STXBP5L: variants seen among roughly 807,000 people sequenced by gnomAD.
STXBP5L encodes syntaxin binding protein 5L.
A neutral mutation model predicts 144.5 loss-of-function variants in STXBP5L; 65 were observed. That is an observed-to-expected ratio of 0.45 (90% CI 0.37 to 0.55). The LOEUF is 0.55. Ranked by LOEUF, STXBP5L falls within the 20% of genes least tolerant of loss-of-function variation. The pLI, the probability that STXBP5L is intolerant of heterozygous loss-of-function variation, is 0.00. For synonymous variants in STXBP5L, 505 were observed against 469.6 expected, an observed-to-expected ratio of 1.08 and a Z score of -0.97; for missense variants, 1,298 against 1,405.5, an observed-to-expected ratio of 0.92 and a Z score of 1.22.
chr3:121,185,404 T>A (rs979632606), intron 9 of STXBP5L, among the ~76,000 whole-genome samples: 2 of 152,190 alleles, frequency 1.3e-5, no homozygotes, highest in Admixed American at 1.3e-4. Context: ...TTGCCTAGGT[T>A]TTCTTCTAGG....
intron 5 of STXBP5L, among the ~76,000 whole-genome samples, chr3:121,110,144 G>A (rs1383033733): frequency 6.6e-6 from 1 of 152,106 alleles, no homozygotes; most frequent in Non-Finnish European, 1.5e-5. Context: ...ACACCAATGG[G>A]TCTTGACTCT....
intron 7 of STXBP5L, among the ~76,000 whole-genome samples, chr3:121,151,692 A>T (rs376030872): frequency 3.2e-4 from 48 of 152,240 alleles, no homozygotes; most frequent in African/African-American, 1.1e-3. Context: ...CATTATTTTA[A>T]CATTGGCTAT....
chr3:121,095,950 A>G (rs1260394609), intron 5 of STXBP5L, among the ~76,000 whole-genome samples: 1 of 152,070 alleles, frequency 6.6e-6, no homozygotes, highest in Admixed American at 6.5e-5. Flanking sequence ...ATGGTGACGT[A>G]CAGATGGGGT....
At chr3:121,092,904 G>C (rs2042892327) in intron 5 of STXBP5L, among the ~76,000 whole-genome samples, 1 of 152,140 alleles carries the variant, frequency 6.6e-6, no homozygotes, top group East Asian at 1.9e-4. Flanking sequence ...TATTGGCTGT[G>C]GGTTTGTCAT....
At chr3:121,048,134 T>G (rs1305072971) in intron 5 of STXBP5L, among the ~76,000 whole-genome samples, 1 of 152,164 alleles carries the variant, frequency 6.6e-6, no homozygotes, top group African/African-American at 2.4e-5. Flanking sequence ...ATGAAATTCT[T>G]GCTTGGAAAT....
At chr3:120,995,142 CT>C (rs1943239376) in intron 3 of STXBP5L, among the ~76,000 whole-genome samples, 1 of 151,920 alleles carries the variant, frequency 6.6e-6, no homozygotes, top group Admixed American at 6.6e-5. Flanking sequence ...CTTGTTTTCT[CT>C]TTTTGTTTTC....
chr3:121,340,044 G>A (rs377755541), intron 20 of STXBP5L, among the ~76,000 whole-genome samples: 1 of 151,614 alleles, frequency 6.6e-6, no homozygotes, highest in African/African-American at 2.4e-5. Flanking sequence ...CACAAAATTA[G>A]AAAAAAAATC....
intron 9 of STXBP5L, among the ~76,000 whole-genome samples, chr3:121,204,438 A>C (rs1420979814): frequency 6.6e-6 from 1 of 152,156 alleles, no homozygotes; most frequent in East Asian, 1.9e-4. Context: ...AAGAAAAGGC[A>C]ATTTCAGAAA....
intron 20 of STXBP5L, among the ~76,000 whole-genome samples, chr3:121,326,376 T>A (rs1008680358): frequency 2.0e-5 from 3 of 152,170 alleles, no homozygotes; most frequent in African/African-American, 7.2e-5. Flanking sequence ...TTTGTCTCTA[T>A]ACATACCAGG....
intron 20 of STXBP5L, among the ~76,000 whole-genome samples, chr3:121,365,054 T>G (rs1437132972): frequency 6.6e-6 from 1 of 151,930 alleles, no homozygotes; most frequent in Non-Finnish European, 1.5e-5. Context: ...AACCTTAATA[T>G]ATTGCAATGA....
chr3:121,403,928 C>T (rs1056060283), intron 22 of STXBP5L, among the ~76,000 whole-genome samples: 2 of 152,136 alleles, frequency 1.3e-5, no homozygotes, highest in Middle Eastern at 3.2e-3. Context: ...AACCAGAATG[C>T]CCCAAGACTG....
At chr3:121,186,353 G>T (rs906782966) in intron 9 of STXBP5L, among the ~76,000 whole-genome samples, 2 of 152,188 alleles carry the variant, frequency 1.3e-5, no homozygotes, top group African/African-American at 4.8e-5. Context: ...AGTGGTGAGA[G>T]AGGGCATCCC....
At chr3:121,076,581 C>G (rs2042027680) in intron 5 of STXBP5L, among the ~76,000 whole-genome samples, 1 of 151,996 alleles carries the variant, frequency 6.6e-6, no homozygotes, top group African/African-American at 2.4e-5. Context: ...GGAAACTGAT[C>G]CAGGTGCCCA....
At chr3:120,997,678 C>G (rs1020190099) in intron 3 of STXBP5L, among the ~76,000 whole-genome samples, 1 of 152,034 alleles carries the variant, frequency 6.6e-6, no homozygotes, top group Non-Finnish European at 1.5e-5. Flanking sequence ...GGATATTAGA[C>G]CTTTGTCAGA....
At chr3:121,258,187 GA>G (rs2050270221) in intron 17 of STXBP5L, among the ~76,000 whole-genome samples, 1 of 152,102 alleles carries the variant, frequency 6.6e-6, no homozygotes, top group African/African-American at 2.4e-5. Flanking sequence ...TTTAGTAATA[GA>G]GTATAAATTA....
chr3:121,091,219 A>C (rs2042773205), intron 5 of STXBP5L, among the ~76,000 whole-genome samples: 1 of 146,970 alleles, frequency 6.8e-6, no homozygotes, highest in Non-Finnish European at 1.5e-5. Flanking sequence ...TGCTATTGTG[A>C]ATAGTGCCAC....
chr3:121,199,107 A>G (rs2048035321), intron 9 of STXBP5L, among the ~76,000 whole-genome samples: 1 of 152,150 alleles, frequency 6.6e-6, no homozygotes, highest in African/African-American at 2.4e-5. Context: ...GATTCTTCCT[A>G]TCCATGAGCA....
intron 3 of STXBP5L, among the ~76,000 whole-genome samples, chr3:120,964,016 G>A (rs534706751): frequency 2.6e-5 from 4 of 152,120 alleles, no homozygotes; most frequent in Admixed American, 6.6e-5. Context: ...TGTATGTGTC[G>A]AGGAATTTAT....
At chr3:121,357,795 G>A (rs2045576167) in intron 20 of STXBP5L, 1 of 152,094 alleles carries the variant, frequency 6.6e-6, no homozygotes, top group Non-Finnish European at 1.5e-5. Context: ...TTCCAAAATA[G>A]AGCATGCAGC....
Sources: gnomAD v4.1 joint callset for allele counts (sites outside exome capture counted in the v4.1 genomes callset) on GRCh38, gnomAD v4.1.1 for gene constraint, MANE v1.5 for transcripts, NCBI Gene and HGNC (gene_info 2026-07-23, HGNC 2026-07-21) for gene names.